PRRG1: variants seen among roughly 807,000 people sequenced by gnomAD.
PRRG1 encodes transmembrane gamma-carboxyglutamic acid protein 1.
Under a neutral mutation model 11.8 loss-of-function variants are expected in PRRG1, and 5 were observed. The ratio of observed to expected loss-of-function variants is 0.42; its 90% CI spans 0.22 to 0.89. PRRG1 has a LOEUF of 0.89. Ranked by LOEUF, PRRG1 falls within the 40% of genes least tolerant of loss-of-function variation. PRRG1 has a pLI of 0.28. For missense variants in PRRG1, 155 were observed against 166.1 expected (o/e 0.93, Z 0.37); for synonymous variants, 66 against 60.4 (o/e 1.09, Z -0.43).
intron 1 of PRRG1, among the ~76,000 whole-genome samples, chrX:37,394,835 C>A (rs782323286): frequency 2.7e-5 from 3 of 110,633 alleles, no homozygotes; most frequent in Admixed American, 9.6e-5. Flanking sequence ...AACATCAAAG[C>A]AGCTGAAGCC....
chrX:37,407,882 C>T (rs782621556), intron 2 of PRRG1, among the ~76,000 whole-genome samples: 5 of 110,928 alleles, frequency 4.5e-5, no homozygotes, highest in Non-Finnish European at 9.4e-5. Context: ...GGTAGGAAGC[C>T]CTAAGGATTA....
chrX:37,356,736 A>G (rs1274743224), intron 1 of PRRG1, among the ~76,000 whole-genome samples: 2 of 111,257 alleles, frequency 1.8e-5, no homozygotes, highest in African/African-American at 6.6e-5. Context: ...TTTGTTTTTA[A>G]ATTAAAAAAC....
Position 37,425,928 on chromosome X carries a change from T to A in PRRG1, c.99T>A (p.Ile33=). Residue 33 remains isoleucine, a synonymous_variant, in exon 3 of 4, where the codon ATT becomes ATA. Transcript: ENST00000378628. ...TTGAAGAAATAAGACAGGGCAACATTGAGCGTGAGTGCAAAGAAGAATTCT... is the reference window on the plus strand; with the variant it reads ...TTGAAGAAATAAGACAGGGCAACATAGAGCGTGAGTGCAAAGAAGAATTCT... The part of the protein sequence containing the change: ...GFFEEIRQGN[I]ERECKEEFCT... 1 of 1,206,811 alleles carries A rather than the reference T, an allele frequency of 8.3e-7. No homozygotes were observed. The highest frequency in any genetic ancestry group is 3.0e-5 in the East Asian group (1 of 33,725).
intron 1 of PRRG1, among the ~76,000 whole-genome samples, chrX:37,392,123 T>TA (rs1174774050): frequency 1.8e-5 from 2 of 111,676 alleles, no homozygotes; most frequent in African/African-American, 6.5e-5. Flanking sequence ...TTAAATGCTT[T>TA]AAAAAAATTA....
chrX:37,357,410 T>C (rs1323901589), intron 1 of PRRG1, among the ~76,000 whole-genome samples: 2 of 112,168 alleles, frequency 1.8e-5, no homozygotes, highest in African/African-American at 6.5e-5. Flanking sequence ...TTCATTTGAA[T>C]ACAAAGGAGC....
intron 3 of PRRG1, chrX:37,442,245 G>A (rs1444699884): frequency 1.9e-5 from 14 of 746,932 alleles, no homozygotes; most frequent in South Asian, 6.9e-5. Context: ...CAGTTGATGC[G>A]TGCCTACAAC....
intron 1 of PRRG1, among the ~76,000 whole-genome samples, chrX:37,364,716 G>C (rs782785884): frequency 9.0e-6 from 1 of 111,672 alleles, no homozygotes; most frequent in Admixed American, 9.5e-5. Flanking sequence ...TCCCTCCCTG[G>C]ACCTATCCAC....
chrX:37,364,200 C>CA (rs1268294743), intron 1 of PRRG1, among the ~76,000 whole-genome samples: 5 of 110,491 alleles, frequency 4.5e-5, no homozygotes, highest in Non-Finnish European at 9.5e-5. Context: ...TCACCCCCTC[C>CA]AAAAAAGTTT....
intron 1 of PRRG1, among the ~76,000 whole-genome samples, chrX:37,398,072 G>A (rs1931785641): frequency 9.2e-6 from 1 of 108,326 alleles, no homozygotes; most frequent in Admixed American, 9.9e-5. Context: ...CAAAAAAATA[G>A]CAGTAACCTC....
intron 3 of PRRG1, among the ~76,000 whole-genome samples, chrX:37,428,195 C>G (rs1468709342): frequency 9.0e-6 from 1 of 110,817 alleles, no homozygotes; most frequent in African/African-American, 3.3e-5. Context: ...CCCGGCCCCT[C>G]CAAATCTCAT....
intron 1 of PRRG1, among the ~76,000 whole-genome samples, chrX:37,393,299 TATA>T: frequency 9.8e-6 from 1 of 102,114 alleles, no homozygotes; most frequent in South Asian, 3.8e-4. Flanking sequence ...TATGTTAATG[TATA>T]ATATATTAAT....
chrX:37,383,337 T>C (rs965462380), intron 1 of PRRG1, among the ~76,000 whole-genome samples: 2 of 112,065 alleles, frequency 1.8e-5, no homozygotes, highest in Non-Finnish European at 3.8e-5. Context: ...AAAGTCTTTA[T>C]TGAACATGTA....
intron 2 of PRRG1, among the ~76,000 whole-genome samples, chrX:37,410,225 C>T (rs1932315107): frequency 8.9e-6 from 1 of 111,818 alleles, no homozygotes; most frequent in Admixed American, 9.5e-5. Context: ...TAGGTATTCC[C>T]TCTACATTAT....
At chrX:37,375,526 C>A (rs1275480075) in intron 1 of PRRG1, among the ~76,000 whole-genome samples, 1 of 111,502 alleles carries the variant, frequency 9.0e-6, no homozygotes, top group African/African-American at 3.3e-5. Context: ...AACTATTTAC[C>A]TAGCGTTTAT....
At chrX:37,397,554 T>A (rs1423165962) in intron 1 of PRRG1, among the ~76,000 whole-genome samples, 2 of 112,410 alleles carry the variant, frequency 1.8e-5, no homozygotes, top group Non-Finnish European at 3.8e-5. Flanking sequence ...CAGGATGAGG[T>A]AGCATTATGA....
In PRRG1 at chrX:37,400,268, T is replaced by C. The variant is rs188579906; in HGVS notation, c.-41-5941T>C. Among the ~76,000 whole-genome samples the C allele has an allele frequency of 5.4e-5, 6 of 111,149 alleles. 1 individual carries two copies. The highest frequency in any genetic ancestry group is 9.5e-5 in the Admixed American group (1 of 10,504). ...CTCAGCAAATGTAAAAGAACAGAAA[T>C]TATAACAAACTGTCTCTCAGACCAC... On this transcript the variant is annotated intron_variant, in intron 1 of 3. Coordinates refer to ENST00000378628, the MANE Select transcript of PRRG1 (RefSeq NM_001142395.2).
intron 2 of PRRG1, among the ~76,000 whole-genome samples, chrX:37,423,114 C>G (rs1247622193): frequency 9.0e-6 from 1 of 110,610 alleles, no homozygotes; most frequent in Non-Finnish European, 1.9e-5. Context: ...ATGATCCTGA[C>G]CCTGTGGAGG....
At chrX:37,405,327 A>G (rs1556381713) in intron 1 of PRRG1, among the ~76,000 whole-genome samples, 1 of 112,134 alleles carries the variant, frequency 8.9e-6, no homozygotes. Context: ...ATCAGGTCTC[A>G]GTCTAATATT....
intron 2 of PRRG1, among the ~76,000 whole-genome samples, chrX:37,415,272 G>A (rs781884956): frequency 1.8e-5 from 2 of 111,244 alleles, no homozygotes; most frequent in Admixed American, 9.5e-5. Flanking sequence ...ACCCGCGCAC[G>A]GTGGTGCACC....
Sources: gnomAD v4.1 joint callset for allele counts (sites outside exome capture counted in the v4.1 genomes callset) on GRCh38, gnomAD v4.1.1 for gene constraint, MANE v1.5 for transcripts, NCBI Gene and HGNC (gene_info 2026-07-23, HGNC 2026-07-21) for gene names.